The following NTRK3 variants were observed in gnomAD, a reference collection of about 807,000 sequenced individuals.
The protein encoded by NTRK3 is NT-3 growth factor receptor.
Under a neutral mutation model 91.7 loss-of-function variants are expected in NTRK3, and 24 were observed. The ratio of observed to expected loss-of-function variants is 0.26; its 90% confidence interval spans 0.19 to 0.37. The LOEUF (loss-of-function observed/expected upper bound fraction) is 0.37. NTRK3 is among the 10% of genes least tolerant of loss of function. The pLI is 1.00. For missense variants in NTRK3, 880 were observed against 1,068.9 expected (o/e 0.82, Z 2.46); for synonymous variants, 483 against 404.0 (o/e 1.20, Z -2.34).
rs754928413 is a variant in NTRK3, at chr15:88,136,069, C to T, written c.766-29G>A. 1.9e-6 allele frequency: 3 copies of T among 1,613,986 alleles called. No homozygotes were observed. The South Asian group carries it at 3.3e-5, about 18-fold the overall frequency. Reference sequence around the variant, plus strand: ...AAAACCCCAATAAAAAGATAACAATCAGATAGCTTCTACAAGGATGGCTCT... The same window carrying T: ...AAAACCCCAATAAAAAGATAACAATTAGATAGCTTCTACAAGGATGGCTCT... On this transcript the variant is annotated intron_variant, in intron 8 of 18. Transcript: ENST00000394480.
chr15:87,911,846 G>C (rs546182377), intron 17 of NTRK3, among the ~76,000 whole-genome samples: 15 of 152,198 alleles, frequency 9.9e-5, no homozygotes, highest in Non-Finnish European at 2.2e-4. Context: ...CTAGGTACAA[G>C]GGTTATATAA....
chr15:88,076,630 A>T (rs1567345693), intron 13 of NTRK3, among the ~76,000 whole-genome samples: 1 of 150,904 alleles, frequency 6.6e-6, no homozygotes, highest in Non-Finnish European at 1.5e-5. Context: ...TTCACAGAGC[A>T]TTAGGAGGGA....
chr15:88,243,062 C>T lies in NTRK3; in HGVS notation c.248+12844G>A, dbSNP rs981342233. ...GCCCTAAAAATTAGGCCCTTCTTTCCACCCTCTTCCTTCAACACCAGGGAC... is the reference window on the plus strand; with the variant it reads ...GCCCTAAAAATTAGGCCCTTCTTTCTACCCTCTTCCTTCAACACCAGGGAC... On this transcript the variant is annotated intron_variant, in intron 3 of 18. Coordinates refer to ENST00000394480, the Ensembl canonical transcript of NTRK3. The surrounding 1 kb of genome is among the most constrained non-coding windows in gnomAD (Gnocchi z 4.8). 3.3e-5 allele frequency among the ~76,000 whole-genome samples: 5 copies of T among 152,162 alleles called. No homozygotes were observed. Among genetic ancestry groups the T allele is most frequent in the Admixed American group, 3.3e-4 (5 of 15,286 alleles).
At chr15:87,979,237 C>T in intron 14 of NTRK3, 1 of 874,146 alleles carries the variant, frequency 1.1e-6, no homozygotes, top group Non-Finnish European at 2.0e-6. Flanking sequence ...CATGCAGTTT[C>T]TACTTAGCAT....
chr15:87,972,101 C>T (rs765247288), intron 14 of NTRK3, among the ~76,000 whole-genome samples: 2 of 152,198 alleles, frequency 1.3e-5, no homozygotes, highest in South Asian at 2.1e-4. Context: ...GTCCTTCTCA[C>T]TGCAGAATGA....
At chr15:88,056,750 C>A (rs1008346011) in intron 13 of NTRK3, among the ~76,000 whole-genome samples, 1 of 152,222 alleles carries the variant, frequency 6.6e-6, no homozygotes, top group Non-Finnish European at 1.5e-5. Flanking sequence ...AGTATCTCCC[C>A]ATTGGGGTGA....
chr15:88,108,231 G>A (rs1310738282), intron 13 of NTRK3, among the ~76,000 whole-genome samples: 4 of 152,188 alleles, frequency 2.6e-5, no homozygotes, highest in Non-Finnish European at 5.9e-5. Context: ...GAAACCCACA[G>A]AATGGCTAAC....
At chr15:88,130,133 A>C (rs566965827) in intron 10 of NTRK3, among the ~76,000 whole-genome samples, 1 of 152,246 alleles carries the variant, frequency 6.6e-6, no homozygotes, top group Non-Finnish European at 1.5e-5. Flanking sequence ...TCTGTTGTTT[A>C]AGCCACCCAG....
chr15:87,867,780 C>T (rs977295984), exon 19 of NTRK3: 16 of 227,920 alleles, frequency 7.0e-5, no homozygotes, highest in Admixed American at 2.8e-4. Flanking sequence ...GCTTAAACTA[C>T]TTCACATTTA....
At chr15:88,121,890 A>G (rs1462824991) in intron 13 of NTRK3, among the ~76,000 whole-genome samples, 1 of 152,216 alleles carries the variant, frequency 6.6e-6, no homozygotes, top group African/African-American at 2.4e-5. Flanking sequence ...TGTGATTCCA[A>G]AAGAAGATGA....
At chr15:87,923,221 C>G (rs1596267895) in intron 17 of NTRK3, among the ~76,000 whole-genome samples, 1 of 152,146 alleles carries the variant, frequency 6.6e-6, no homozygotes. Context: ...TGTTTTTTCT[C>G]TTCTATGTGG....
At chr15:88,250,343 T>C (rs1283183848) in intron 3 of NTRK3, among the ~76,000 whole-genome samples, 2 of 152,210 alleles carry the variant, frequency 1.3e-5, no homozygotes, top group African/African-American at 4.8e-5. Context: ...GTTTTCTTGA[T>C]CTGTAAAATG....
At position 87,982,955 on chromosome 15, in the gene NTRK3, C is replaced by A. The variant is rs148456354; in HGVS notation, c.1586-42202G>T. 1.1e-3 allele frequency among the ~76,000 whole-genome samples: 168 copies of A among 152,348 alleles called. No homozygotes were observed. The East Asian group carries it at 0.021, about 19-fold the overall frequency. On this transcript the variant is annotated intron_variant, in intron 14 of 18. Transcript: ENST00000394480. ...CATCTTCTGCCTACACTCTTTCCAC[C>A]TGACTGTGGATTCTCACAGACCTCT...
intron 3 of NTRK3, among the ~76,000 whole-genome samples, chr15:88,223,268 C>T (rs1465609626): frequency 1.3e-5 from 2 of 152,224 alleles, no homozygotes; most frequent in Non-Finnish European, 2.9e-5. Flanking sequence ...CCAGGTCACC[C>T]GGGAGGACGC....
At chr15:88,206,539 TC>T (rs2048793463) in intron 3 of NTRK3, among the ~76,000 whole-genome samples, 1 of 147,010 alleles carries the variant, frequency 6.8e-6, no homozygotes. Context: ...GCGCCTGTAG[TC>T]CCAGCTACTC....
chr15:88,251,671 G>T (rs1289499109), intron 3 of NTRK3, among the ~76,000 whole-genome samples: 1 of 152,250 alleles, frequency 6.6e-6, no homozygotes, highest in Non-Finnish European at 1.5e-5. Flanking sequence ...CAGCTGAGTT[G>T]GGGCCCTGGT....
chr15:88,151,243 A>T (rs966309871), intron 5 of NTRK3, among the ~76,000 whole-genome samples: 10 of 152,122 alleles, frequency 6.6e-5, no homozygotes, highest in African/African-American at 2.4e-4. Context: ...ACTACCAAAC[A>T]AAGCCATTAA....
rs575431996 is a variant in NTRK3 at position 88,038,648 on chromosome 15, G to A, written c.1397-5603C>T. ...GCATGGGTAGGGGCATGGGGTAGATGGGAAATCTCTGTACCTTTTACTTGA... is the reference window on the plus strand; with the variant it reads ...GCATGGGTAGGGGCATGGGGTAGATAGGAAATCTCTGTACCTTTTACTTGA... On this transcript the variant is annotated intron_variant, in intron 13 of 18. Transcript: ENST00000394480. Among the ~76,000 whole-genome samples the A allele has an allele frequency of 5.3e-5, 8 of 152,162 alleles. No homozygotes were observed. In the South Asian group the frequency reaches 1.7e-3, roughly 32 times the overall value.
At chr15:88,149,700 C>A (rs1013428742) in intron 5 of NTRK3, among the ~76,000 whole-genome samples, 7 of 152,204 alleles carry the variant, frequency 4.6e-5, no homozygotes, top group African/African-American at 1.7e-4. Context: ...AGCTCCTGCT[C>A]AGAAGGGTGG....
Sources: gnomAD v4.1 joint callset for allele counts (sites outside exome capture counted in the v4.1 genomes callset) on GRCh38, gnomAD v4.1.1 for gene constraint, Gnocchi (gnomAD v3.1) non-coding constraint, MANE v1.5 for transcripts, NCBI Gene and HGNC (gene_info 2026-07-23, HGNC 2026-07-21) for gene names.